The following COL4A5 variants were observed in gnomAD, a reference collection of about 807,000 sequenced individuals.
COL4A5 encodes the protein collagen type IV alpha 5 chain.
COL4A5 carries 26 observed loss-of-function variants against 130.2 expected under a neutral mutation model. The observed-to-expected ratio is 0.20, with a 90% CI of 0.15 to 0.28. COL4A5 has a LOEUF of 0.28. COL4A5 is among the 10% of genes least tolerant of loss of function. The pLI, the probability that COL4A5 is intolerant of heterozygous loss-of-function variation, is 1.00. For missense variants in COL4A5, 1,131 were observed against 1,344.3 expected, an observed-to-expected ratio of 0.84 and a Z score of 2.48; for synonymous variants, 496 against 439.6, an observed-to-expected ratio of 1.13 and a Z score of -1.60.
intron 1 of COL4A5, among the ~76,000 whole-genome samples, chrX:108,494,335 T>C (rs999763622): frequency 2.7e-5 from 3 of 111,275 alleles, no homozygotes; most frequent in Admixed American, 1.9e-4. Context: ...TAACGACAAA[T>C]GGATGATAGG....
intron 1 of COL4A5, chrX:108,442,741 T>G (rs2064414702): frequency 9.0e-6 from 1 of 111,376 alleles, no homozygotes; most frequent in South Asian, 3.8e-4. Flanking sequence ...TAGGAAAAAC[T>G]TGTCATCATT....
intron 2 of COL4A5, among the ~76,000 whole-genome samples, chrX:108,544,576 T>TG (rs2065612903): frequency 9.1e-6 from 1 of 110,344 alleles, no homozygotes; most frequent in Non-Finnish European, 1.9e-5. Flanking sequence ...TTCTCTTTTT[T>TG]GTTGTGTCTC....
chrX:108,452,680 C>G lies in COL4A5; in HGVS notation c.81+12474C>G, dbSNP rs1194970448. Among the ~76,000 whole-genome samples, 5 of 111,884 alleles carry G rather than the reference C, an allele frequency of 4.5e-5. No homozygotes were observed. In the East Asian group the frequency reaches 1.4e-3, roughly 31 times the overall value. On this transcript the variant is annotated intron_variant, in intron 1 of 52. Transcript: ENST00000328300. ...TGATTTTTGTACATTGATTTTGTAT[C>G]CTGAGACTTTGCTGAAGTTGCTTAT...
chrX:108,451,867 A>T (rs1340763028), intron 1 of COL4A5, among the ~76,000 whole-genome samples: 1 of 111,542 alleles, frequency 9.0e-6, no homozygotes, highest in African/African-American at 3.3e-5. Flanking sequence ...CCATTTGTCA[A>T]TTTTGGCTTT....
In COL4A5 at chrX:108,681,850, A is replaced by G; in HGVS notation, c.4178A>G (p.Lys1393Arg). The part of the protein sequence containing the change: ...PPGIPGQPGL[K>R]GLPGPQGPQG... Reference sequence around the variant, plus strand: ...GGAATCCCTGGCCAGCCTGGGCTAAAGGGTCTACCAGGACCCCAAGGACCT... The same window carrying G: ...GGAATCCCTGGCCAGCCTGGGCTAAGGGGTCTACCAGGACCCCAAGGACCT... Residue 1393 changes from lysine to arginine, a missense_variant, in exon 47 of 53, where the codon AAG (lysine) becomes AGG (arginine). Coordinates refer to ENST00000328300, the MANE Select transcript of COL4A5 (RefSeq NM_033380.3). 1.7e-6 allele frequency: 2 copies of G among 1,210,219 alleles called. No homozygotes were observed. The highest frequency in any genetic ancestry group is 2.2e-5 in the Admixed American group (1 of 45,958).
At chrX:108,598,492 A>G (rs755032357) in intron 24 of COL4A5, among the ~76,000 whole-genome samples, 1 of 112,191 alleles carries the variant, frequency 8.9e-6, no homozygotes, top group African/African-American at 3.2e-5. Context: ...TTGTATCACC[A>G]GCACTTGACA....
At position 108,614,892 on chromosome X, in the gene COL4A5, C is replaced by T; in HGVS notation, c.2396-19C>T. 9.2e-7 allele frequency: 1 copy of T among 1,090,767 alleles called. No homozygotes were observed. Among genetic ancestry groups the T allele is most frequent in the African/African-American group, 1.8e-5 (1 of 55,399 alleles). The allele number at this position is 1,090,767 out of a possible 1,213,427, so 89.9% of individuals were successfully genotyped here. ...TCAGGTGTTGCTTTTAATATTTAAA[C>T]TGTATTTATTTCTTAAAGGTGATGT... On this transcript the variant is annotated intron_variant, in intron 29 of 52. Coordinates refer to ENST00000328300, the MANE Select transcript of COL4A5 (RefSeq NM_033380.3).
At chrX:108,473,595 T>TTA (rs777363794) in intron 1 of COL4A5, among the ~76,000 whole-genome samples, 866 of 59,532 alleles carry the variant, frequency 0.015, 13 homozygotes, top group African/African-American at 0.039. Flanking sequence ...ATATAAAGTT[T>TTA]TATATATATA....
intron 34 of COL4A5, among the ~76,000 whole-genome samples, chrX:108,624,839 GACATTTTTTTAAATCCT>G (rs1283657422): frequency 8.1e-5 from 9 of 110,886 alleles, no homozygotes; most frequent in Non-Finnish European, 1.1e-4. Flanking sequence ...TCTTAGAGTC[GACATTTTTTTAAATCCT>G]ACTAAAACTC....
chrX:108,608,153 G>T (rs954729554), intron 29 of COL4A5, among the ~76,000 whole-genome samples: 10 of 111,669 alleles, frequency 9.0e-5, no homozygotes, highest in African/African-American at 2.9e-4. Flanking sequence ...CTCTCAATTT[G>T]CACCATTTAC....
intron 32 of COL4A5, among the ~76,000 whole-genome samples, chrX:108,622,257 T>C (rs1221836190): frequency 9.0e-6 from 1 of 111,371 alleles, no homozygotes; most frequent in African/African-American, 3.3e-5. Flanking sequence ...GCCTCCCAAG[T>C]AGCTGGGAGT....
chrX:108,554,289 G>A (rs759039159), intron 2 of COL4A5, among the ~76,000 whole-genome samples: 2 of 111,916 alleles, frequency 1.8e-5, no homozygotes, highest in Non-Finnish European at 3.8e-5. Context: ...GAAACTTACA[G>A]TCATGGCAGA....
intron 24 of COL4A5, 86 bp from the exon 25 acceptor site, chrX:108,598,616 A>G (rs749100447): frequency 2.4e-5 from 21 of 869,982 alleles, no homozygotes; most frequent in South Asian, 2.2e-4. Flanking sequence ...ATTTATGGCT[A>G]TATCCTTTCC....
intron 36 of COL4A5, among the ~76,000 whole-genome samples, chrX:108,652,203 T>C (rs2067744906): frequency 8.9e-6 from 1 of 112,220 alleles, no homozygotes; most frequent in Non-Finnish European, 1.9e-5. Context: ...TCCAAACTCA[T>C]AAGTATGTAT....
At chrX:108,674,795 T>A in intron 43 of COL4A5, 42 bp downstream of exon 43, 3 of 1,067,530 alleles carry the variant, frequency 2.8e-6, no homozygotes, top group Non-Finnish European at 1.3e-6. Context: ...TTTTTTTTTT[T>A]AATGCTTTGT....
At chrX:108,631,328 C>G (rs978866959) in intron 36 of COL4A5, among the ~76,000 whole-genome samples, 1 of 111,396 alleles carries the variant, frequency 9.0e-6, no homozygotes, top group Non-Finnish European at 1.9e-5. Flanking sequence ...TCTTTCATTT[C>G]GTTGAGCAGT....
chrX:108,598,249 T>C (rs1294459738), intron 24 of COL4A5, among the ~76,000 whole-genome samples: 3 of 111,621 alleles, frequency 2.7e-5, no homozygotes, highest in African/African-American at 6.5e-5. Flanking sequence ...TTAACTTGTT[T>C]CTATATATAT....
Position 108,572,037 on chromosome X carries a change from A to AAATG in COL4A5, c.465+201_465+204dup, listed in dbSNP as rs201632120. Among the ~76,000 whole-genome samples, 115 of 111,801 alleles carry AAATG rather than the reference A, an allele frequency of 1.0e-3. 3 individuals carry two copies. The East Asian group carries it at 0.031, about 30-fold the overall frequency. ...ACCTTGTATGTGCTGATACACTTGAAAATGTGTATATCAGACTTGAGTTTC... is the reference window on the plus strand; with the variant it reads ...ACCTTGTATGTGCTGATACACTTGAAAATGAATGTGTATATCAGACTTGAGTTTC... On this transcript the variant is annotated intron_variant, in intron 8 of 52. Coordinates refer to ENST00000328300, the MANE Select transcript of COL4A5 (RefSeq NM_033380.3).
intron 1 of COL4A5, among the ~76,000 whole-genome samples, chrX:108,496,806 T>C (rs1258536299): frequency 3.6e-5 from 4 of 111,972 alleles, no homozygotes; most frequent in Non-Finnish European, 7.5e-5. Context: ...ATATTTCTTA[T>C]TCTATAGTGT....
Sources: allele counts gnomAD v4.1 joint callset (sites outside exome capture counted in the v4.1 genomes callset), GRCh38; gene constraint gnomAD v4.1.1; transcripts MANE v1.5; gene names NCBI Gene and HGNC (gene_info 2026-07-23, HGNC 2026-07-21).